TAOK3: variants seen among roughly 807,000 people sequenced by gnomAD.
TAOK3 encodes serine/threonine-protein kinase TAO3.
In TAOK3, 40 loss-of-function variants were observed where a neutral mutation model predicts 120.4. That is an observed-to-expected ratio of 0.33 (90% CI 0.26 to 0.43). The LOEUF is 0.43. TAOK3 is among the 20% of genes least tolerant of loss of function. The pLI is 1.00. For synonymous variants in TAOK3, 355 were observed against 387.5 expected (o/e 0.92, Z 0.99); for missense variants, 821 against 1,112.1 (o/e 0.74, Z 3.72).
chr12:118,231,165 T>C (rs558728350), intron 9 of TAOK3, among the ~76,000 whole-genome samples: 1 of 152,270 alleles, frequency 6.6e-6, no homozygotes, highest in South Asian at 2.1e-4. Flanking sequence ...TGTTTGTATA[T>C]TTACCAAGAA....
At chr12:118,335,165 C>G (rs1168792094) in intron 1 of TAOK3, among the ~76,000 whole-genome samples, 1 of 120,618 alleles carries the variant, frequency 8.3e-6, no homozygotes, top group Non-Finnish European at 1.7e-5. Context: ...GCCTGGGCAA[C>G]AAGAGCAAAA....
At chr12:118,230,945 C>T (rs1425247866) in intron 9 of TAOK3, among the ~76,000 whole-genome samples, 1 of 152,058 alleles carries the variant, frequency 6.6e-6, no homozygotes, top group East Asian at 1.9e-4. Context: ...TTCATCAACT[C>T]AATATCCATC....
chr12:118,203,456 A>G (rs560831060), intron 11 of TAOK3, among the ~76,000 whole-genome samples: 249 of 152,236 alleles, frequency 1.6e-3, no homozygotes, highest in Non-Finnish European at 2.8e-3. Flanking sequence ...CTATAATCCA[A>G]CACTTTGGGA....
intron 1 of TAOK3, among the ~76,000 whole-genome samples, chr12:118,290,632 C>T (rs2042435848): frequency 6.6e-6 from 1 of 152,204 alleles, no homozygotes; most frequent in Non-Finnish European, 1.5e-5. Context: ...GTGGCCAGAT[C>T]TCAGCTCACT....
chr12:118,289,807 A>C (rs982584409), intron 1 of TAOK3, among the ~76,000 whole-genome samples: 4 of 151,992 alleles, frequency 2.6e-5, no homozygotes, highest in African/African-American at 9.7e-5. Flanking sequence ...CCAGCCTGGC[A>C]AACATGGCGA....
chr12:118,293,089 G>T (rs1241131177), intron 1 of TAOK3, among the ~76,000 whole-genome samples: 1 of 152,204 alleles, frequency 6.6e-6, no homozygotes, highest in South Asian at 2.1e-4. Flanking sequence ...CCTGTTGAAA[G>T]TTGCTTCACA....
At chr12:118,348,870 ACGGGTCTCACTCTTGTTGCC>A (rs1434818521) in intron 1 of TAOK3, among the ~76,000 whole-genome samples, 131 of 146,464 alleles carry the variant, frequency 8.9e-4, no homozygotes, top group Non-Finnish European at 1.4e-3. Context: ...TTTTTTGAGA[ACGGGTCTCACTCTTGTTGCC>A]CGGGTCTCAC....
At chr12:118,367,860 C>G (rs1051977253) in intron 1 of TAOK3, among the ~76,000 whole-genome samples, 1 of 151,876 alleles carries the variant, frequency 6.6e-6, no homozygotes, top group Non-Finnish European at 1.5e-5. Flanking sequence ...AATTAAGACT[C>G]TAATTTTTAA....
intron 2 of TAOK3, among the ~76,000 whole-genome samples, chr12:118,257,842 A>G (rs982765722): frequency 3.3e-5 from 5 of 152,174 alleles, no homozygotes; most frequent in East Asian, 3.9e-4. Flanking sequence ...TCATTCAACA[A>G]ATATTGTTGA....
At chr12:118,326,775 C>T (rs946514198) in intron 1 of TAOK3, among the ~76,000 whole-genome samples, 110 of 152,206 alleles carry the variant, frequency 7.2e-4, no homozygotes, top group African/African-American at 2.6e-3. Context: ...ATTCAGTGCT[C>T]TGGTTTTTTT....
chr12:118,201,678 G>A (rs1182364837), intron 11 of TAOK3, among the ~76,000 whole-genome samples: 3 of 152,004 alleles, frequency 2.0e-5, no homozygotes, highest in African/African-American at 7.3e-5. Flanking sequence ...CCCATTTTGC[G>A]GATGTGAGAA....
chr12:118,172,647 T>C lies in TAOK3; in HGVS notation c.1709A>G (p.Asp570Gly), dbSNP rs2036073132. The change falls in exon 17 of 21, where the codon GAC (aspartate) becomes GGC (glycine). Residue 570 changes from aspartate to glycine, a missense_variant. This residue lies in a region of TAOK3 where 354 missense variants were observed against 572.1 expected (regional missense o/e 0.62). Coordinates refer to ENST00000392533, the MANE Select transcript of TAOK3 (RefSeq NM_016281.4). ...CTTCTCTTTCTTGGGTGTGCTATGG[T>C]CCTCATTCATTTCCTAAAAAGAACA... ...KEKIKEEMNE[D>G]HSTPKKEKQE... is the part of the protein sequence containing the mutation. The C allele has an allele frequency of 6.2e-7, 1 of 1,614,010 alleles. No individual in the cohort carries two copies. Among genetic ancestry groups the C allele is most frequent in the African/African-American group, 1.3e-5 (1 of 74,910 alleles).
chr12:118,155,285 T>C (rs917957052), intron 19 of TAOK3, among the ~76,000 whole-genome samples: 1 of 152,212 alleles, frequency 6.6e-6, no homozygotes, highest in Admixed American at 6.5e-5. Context: ...CATGAGCCGC[T>C]TCGCCCAGCC....
chr12:118,335,184 CAA>C (rs199691925), intron 1 of TAOK3, among the ~76,000 whole-genome samples: 9 of 92,510 alleles, frequency 9.7e-5, no homozygotes, highest in African/African-American at 1.6e-4. Flanking sequence ...AACTATGTCT[CAA>C]AAAAAAAAAA....
At chr12:118,352,073 C>T (rs573636922) in intron 1 of TAOK3, among the ~76,000 whole-genome samples, 74 of 151,364 alleles carry the variant, frequency 4.9e-4, no homozygotes, top group African/African-American at 1.6e-3. Flanking sequence ...GGGGTTTCAC[C>T]GTGTTAGCCA....
chr12:118,310,654 T>C (rs1159871596), intron 1 of TAOK3, among the ~76,000 whole-genome samples: 1 of 152,150 alleles, frequency 6.6e-6, no homozygotes, highest in Non-Finnish European at 1.5e-5. Context: ...CCATTTAATA[T>C]ATAATATCTA....
intron 12 of TAOK3, chr12:118,200,856 C>T (rs577607203): frequency 1.3e-5 from 2 of 153,124 alleles, no homozygotes; most frequent in East Asian, 3.8e-4. Context: ...CTCCCTTTTC[C>T]CCATTTGCAT....
At chr12:118,367,075 A>G (rs1485076861) in intron 1 of TAOK3, among the ~76,000 whole-genome samples, 1 of 152,216 alleles carries the variant, frequency 6.6e-6, no homozygotes, top group Non-Finnish European at 1.5e-5. Context: ...AACAAAAAAA[A>G]TGTTTATTCC....
intron 11 of TAOK3, among the ~76,000 whole-genome samples, chr12:118,209,330 G>A (rs1292406818): frequency 6.6e-6 from 1 of 152,224 alleles, no homozygotes; most frequent in Non-Finnish European, 1.5e-5. Flanking sequence ...ACTAGAAGGA[G>A]AGGTACAAAA....
Sources: allele counts gnomAD v4.1 joint callset (sites outside exome capture counted in the v4.1 genomes callset), GRCh38; gene constraint gnomAD v4.1.1; regional missense constraint gnomAD v4.1.1; transcripts MANE v1.5; gene names NCBI Gene and HGNC (gene_info 2026-07-23, HGNC 2026-07-21).